The following BABAM2 variants were observed in gnomAD, a reference collection of about 807,000 sequenced individuals.
The protein encoded by BABAM2 is BRISC and BRCA1 A complex member 2, also known as BRISC and BRCA1-A complex member 2.
In BABAM2, 31 loss-of-function variants were observed where a neutral mutation model predicts 54.7. That is an observed-to-expected ratio of 0.57 (90% CI 0.43 to 0.77). The LOEUF is 0.77. BABAM2 is among the 30% of genes least tolerant of loss of function. The probability of loss-of-function intolerance (pLI) is 0.00; values close to 1 mark genes in which losing one functional copy is unlikely to be tolerated. For missense variants in BABAM2, 364 were observed against 455.8 expected, an observed-to-expected ratio of 0.80 and a Z score of 1.83; for synonymous variants, 167 against 162.9, an observed-to-expected ratio of 1.03 and a Z score of -0.19.
intron 4 of BABAM2, among the ~76,000 whole-genome samples, chr2:28,017,566 C>T (rs1448454638): frequency 6.6e-6 from 1 of 152,072 alleles, no homozygotes; most frequent in South Asian, 2.1e-4. Flanking sequence ...GTATAAAATT[C>T]AGTTGTTTCA....
chr2:28,225,934 T>A (rs1680842721), intron 7 of BABAM2, among the ~76,000 whole-genome samples: 1 of 152,166 alleles, frequency 6.6e-6, no homozygotes, highest in African/African-American at 2.4e-5. Flanking sequence ...ACTTTCAGCA[T>A]CTGTAGAACT....
Position 28,250,318 on chromosome 2 carries a change from CTTTTTTTTTTTTT to C in BABAM2, c.934+5465_934+5477del, listed in dbSNP as rs35545683. Among the ~76,000 whole-genome samples the C allele has an allele frequency of 4.7e-4, 56 of 118,816 alleles. 1 individual carries two copies. Among genetic ancestry groups the C allele is most frequent in the Admixed American group, 1.8e-4 (2 of 11,356 alleles). 77.9% of individuals were successfully genotyped at this position (118,816 alleles called of 152,430 possible). ...AGTAAGGGGAAGGGCATTTGTTGAA[CTTTTTTTTTTTTT>C]TTTTTTTTAGCTATCTAATATTGAA... On this transcript the variant is annotated intron_variant, in intron 10 of 11. Transcript: ENST00000379624.
chr2:27,988,196 C>A, intron 4 of BABAM2, 109 bp downstream of exon 4: 1 of 982,726 alleles, frequency 1.0e-6, no homozygotes, highest in Non-Finnish European at 1.6e-6. Context: ...GCATTTTTTT[C>A]CCACCCCTCT....
At chr2:28,008,828 A>T (rs1228495631) in intron 4 of BABAM2, among the ~76,000 whole-genome samples, 1 of 152,124 alleles carries the variant, frequency 6.6e-6, no homozygotes, top group Non-Finnish European at 1.5e-5. Flanking sequence ...ATTCATTACT[A>T]TAGGAGAAGC....
chr2:27,902,903 G>GT (rs1384668402), intron 2 of BABAM2, among the ~76,000 whole-genome samples: 3 of 115,102 alleles, frequency 2.6e-5, no homozygotes, highest in African/African-American at 8.8e-5. Context: ...ACGTGTGTGT[G>GT]TTTGTGTGTG....
intron 6 of BABAM2, among the ~76,000 whole-genome samples, chr2:28,057,632 A>G (rs1388174288): frequency 1.3e-5 from 2 of 152,172 alleles, no homozygotes; most frequent in Admixed American, 6.5e-5. Flanking sequence ...ATTTTCATCA[A>G]TCAGCAGACC....
intron 10 of BABAM2, among the ~76,000 whole-genome samples, chr2:28,279,906 T>C (rs919900793): frequency 1.3e-5 from 2 of 151,960 alleles, no homozygotes; most frequent in Non-Finnish European, 2.9e-5. Flanking sequence ...CCTCAGGTGA[T>C]CTGCCTGCCT....
At chr2:28,332,387 A>G (rs1278583078) in intron 11 of BABAM2, among the ~76,000 whole-genome samples, 1 of 152,224 alleles carries the variant, frequency 6.6e-6, no homozygotes, top group Non-Finnish European at 1.5e-5. Context: ...CTTGCTCAAG[A>G]TCACATGGAT....
intron 4 of BABAM2, among the ~76,000 whole-genome samples, chr2:28,012,793 T>A (rs886408852): frequency 1.3e-5 from 2 of 152,230 alleles, no homozygotes; most frequent in African/African-American, 4.8e-5. Context: ...TTTTCATTCC[T>A]GTCCCACTTG....
chr2:28,146,038 A>G (rs1671467931), intron 7 of BABAM2, among the ~76,000 whole-genome samples: 1 of 152,230 alleles, frequency 6.6e-6, no homozygotes, highest in Admixed American at 6.5e-5. Context: ...GTTGCTGTGA[A>G]TATTCATGTT....
chr2:27,903,108 T>G (rs1316415019), intron 2 of BABAM2, among the ~76,000 whole-genome samples: 3 of 141,308 alleles, frequency 2.1e-5, no homozygotes, highest in Admixed American at 7.1e-5. Flanking sequence ...CCCCACCGTA[T>G]GGATAATTGG....
chr2:28,265,216 A>T (rs1684876079), intron 10 of BABAM2, among the ~76,000 whole-genome samples: 1 of 152,160 alleles, frequency 6.6e-6, no homozygotes. Flanking sequence ...GCGGAGGATC[A>T]CCTGAGGTCA....
At chr2:28,178,869 T>A (rs1023097605) in intron 7 of BABAM2, among the ~76,000 whole-genome samples, 3 of 151,838 alleles carry the variant, frequency 2.0e-5, no homozygotes, top group South Asian at 2.1e-4. Flanking sequence ...AACTATATAC[T>A]AATACACTGG....
chr2:28,047,853 G>A (rs1677710976), intron 6 of BABAM2, among the ~76,000 whole-genome samples: 1 of 152,086 alleles, frequency 6.6e-6, no homozygotes, highest in African/African-American at 2.4e-5. Flanking sequence ...CAAAGCAACA[G>A]CCAAAAAAAC....
intron 6 of BABAM2, among the ~76,000 whole-genome samples, chr2:28,076,274 A>AAAAAG (rs922798405): frequency 1.1e-4 from 16 of 151,940 alleles, no homozygotes; most frequent in Admixed American, 3.9e-4. Flanking sequence ...ACCCTTTCTC[A>AAAAAG]AAAAGAAAAG....
intron 10 of BABAM2, among the ~76,000 whole-genome samples, chr2:28,297,181 A>G (rs1040223659): frequency 6.6e-6 from 1 of 152,190 alleles, no homozygotes; most frequent in Non-Finnish European, 1.5e-5. Context: ...TGTTTGAATC[A>G]TGGGACTAGA....
chr2:28,338,102 C>T lies in BABAM2; in HGVS notation c.1089-348C>T, dbSNP rs562879388. On this transcript the variant is annotated intron_variant, in intron 11 of 11. Transcript: ENST00000379624. The stretch of plus-strand genomic sequence containing the variant: ...GATACTCTAGATCACTAAATGACTG[C>T]GTGGTTCAATTGCACACACACTGTC... Among the ~76,000 whole-genome samples, 7 of 152,344 alleles carry T rather than the reference C, an allele frequency of 4.6e-5. No individual in the cohort carries two copies. In the South Asian group the frequency reaches 1.0e-3, roughly 23 times the overall value.
At chr2:28,222,359 A>C (rs1444166911) in intron 7 of BABAM2, among the ~76,000 whole-genome samples, 1 of 152,190 alleles carries the variant, frequency 6.6e-6, no homozygotes, top group African/African-American at 2.4e-5. Context: ...ATCTCACCGA[A>C]GTCCCATTTG....
At chr2:28,106,656 A>T (rs959705643) in intron 6 of BABAM2, among the ~76,000 whole-genome samples, 6 of 151,914 alleles carry the variant, frequency 3.9e-5, no homozygotes, top group Non-Finnish European at 7.4e-5. Context: ...TATCTGTTTG[A>T]CTCATTACTG....
Sources: gnomAD v4.1 joint callset for allele counts (sites outside exome capture counted in the v4.1 genomes callset) on GRCh38, gnomAD v4.1.1 for gene constraint, MANE v1.5 for transcripts, NCBI Gene and HGNC (gene_info 2026-07-23, HGNC 2026-07-21) for gene names.